Variants in ZNF254 observed in about 807,000 individuals in gnomAD.
ZNF254 encodes the protein CTD-2017D11.1.
Under a neutral mutation model 12.4 loss-of-function variants are expected in ZNF254, and 10 were observed. That is an observed-to-expected ratio of 0.80 (90% confidence interval 0.50 to 1.36). The LOEUF (loss-of-function observed/expected upper bound fraction) is 1.36. Among genes scored for constraint, ZNF254 ranks in the 40% most tolerant of loss-of-function variants. The probability of loss-of-function intolerance (pLI) is 0.00; values close to 1 mark genes in which losing one functional copy is unlikely to be tolerated. For synonymous variants in ZNF254, 305 were observed against 253.4 expected, an observed-to-expected ratio of 1.20 and a Z score of -1.93; for missense variants, 996 against 763.9, an observed-to-expected ratio of 1.30 and a Z score of -3.58.
At chr19:24,076,405 C>T (rs1475693793) in intron 2 of ZNF254, among the ~76,000 whole-genome samples, 6 of 152,192 alleles carry the variant, frequency 3.9e-5, no homozygotes, top group African/African-American at 1.4e-4. Context: ...GCATCCATGA[C>T]CTAAATATGT....
At chr19:24,086,351 G>T (rs1451192207), upstream of ZNF254, among the ~76,000 whole-genome samples, 1 of 152,010 alleles carries the variant, frequency 6.6e-6, no homozygotes, top group African/African-American at 2.4e-5. Flanking sequence ...TGTCGCCCAG[G>T]CTAGGGTGCA....
At chr19:24,061,394 G>A (rs1353016327) in intron 2 of ZNF254, among the ~76,000 whole-genome samples, 1 of 152,182 alleles carries the variant, frequency 6.6e-6, no homozygotes, top group Non-Finnish European at 1.5e-5. Context: ...GTCCACAGGG[G>A]TTCTTGTGAC....
intron 3 of ZNF254, among the ~76,000 whole-genome samples, chr19:24,111,907 G>A (rs1432270354): frequency 1.3e-5 from 2 of 152,198 alleles, no homozygotes; most frequent in Non-Finnish European, 2.9e-5. Context: ...GTTGCCTGTT[G>A]ACTCTGATGG....
intron 2 of ZNF254, among the ~76,000 whole-genome samples, chr19:24,051,452 A>ACC (rs1235288280): frequency 6.6e-6 from 1 of 152,184 alleles, no homozygotes; most frequent in Non-Finnish European, 1.5e-5. Context: ...GGGCCACCAC[A>ACC]CCTGGCCAAT....
chr19:24,098,988 CTTTTTTTTTTTTTTTTTTT>C (rs927108646), intron 1 of ZNF254: 1 of 74,768 alleles, frequency 1.3e-5, no homozygotes, highest in South Asian at 5.0e-4. Flanking sequence ...AGGCTTCGCT[CTTTTTTTTTTTTTTTTTTT>C]TTTTTTTTTG....
At chr19:24,058,046 A>T (rs532520423) in intron 2 of ZNF254, among the ~76,000 whole-genome samples, 2 of 152,176 alleles carry the variant, frequency 1.3e-5, no homozygotes, top group African/African-American at 4.8e-5. Context: ...TGATGTAACT[A>T]TTCTCCTGCC....
intron 3 of ZNF254, among the ~76,000 whole-genome samples, chr19:24,109,707 T>A (rs1973548908): frequency 6.9e-6 from 1 of 144,852 alleles, no homozygotes; most frequent in Admixed American, 6.9e-5. Context: ...TTTTTTCTTT[T>A]TTCTTTTCTT....
rs999450060 is a variant in ZNF254 at position 24,128,451 on chromosome 19, C to T, written c.*471C>T. On this transcript the variant is annotated 3_prime_UTR_variant, in exon 4 of 4. Coordinates refer to ENST00000357002, the MANE Select transcript of ZNF254 (RefSeq NM_203282.4). Reference sequence around the variant, plus strand: ...AGAAGAGCATTTATTTTGAAAAAAACATTACACATATGAAGAGGATTGTAA... The same window carrying T: ...AGAAGAGCATTTATTTTGAAAAAAATATTACACATATGAAGAGGATTGTAA... 1 of 152,780 alleles carries T rather than the reference C, an allele frequency of 6.5e-6. No homozygotes were observed. The highest frequency in any genetic ancestry group is 2.4e-5 in the African/African-American group (1 of 41,404). 9.5% of individuals were successfully genotyped at this position (152,780 alleles called of 1,614,324 possible).
intron 3 of ZNF254, among the ~76,000 whole-genome samples, chr19:24,108,481 T>C (rs1213651295): frequency 6.6e-6 from 1 of 152,206 alleles, no homozygotes; most frequent in Non-Finnish European, 1.5e-5. Context: ...CTTTCCTGGA[T>C]CTCAGAGTTC....
chr19:24,061,357 T>G (rs1340741131), intron 2 of ZNF254, among the ~76,000 whole-genome samples: 1 of 152,234 alleles, frequency 6.6e-6, no homozygotes, highest in Non-Finnish European at 1.5e-5. Context: ...TATTGTGACA[T>G]TTCACTGGGC....
At position 24,127,961 on chromosome 19, in the gene ZNF254, G is replaced by T; in HGVS notation, c.1961G>T (p.Arg654Ile). The T allele has an allele frequency of 6.4e-7, 1 of 1,560,264 alleles. No individual in the cohort carries two copies. Among genetic ancestry groups the T allele is most frequent in the Non-Finnish European group, 8.6e-7 (1 of 1,158,948 alleles). The change falls in exon 4 of 4, where the codon AGA (arginine) becomes ATA (isoleucine). Residue 654 changes from arginine to isoleucine, a missense_variant. Physicochemically the swap from Arg to Ile is moderately conservative, Grantham distance 97 (BLOSUM62 -3). Coordinates refer to ENST00000357002, the MANE Select transcript of ZNF254 (RefSeq NM_203282.4). ...ACCACAGATAAGATAACTCATTGGA[G>T]AGAAATCTTACAAGTATGAATAATG... ...HLTTDKITHWREILQV is the reference protein window; with the variant it reads ...HLTTDKITHWIEILQV
intron 1 of ZNF254, among the ~76,000 whole-genome samples, chr19:24,036,618 C>T (rs541939225): frequency 9.9e-5 from 15 of 152,222 alleles, no homozygotes; most frequent in Admixed American, 8.5e-4. Context: ...CAGCAAACTC[C>T]ACACATTTGT....
At chr19:24,069,795 A>G (rs1292214486) in intron 2 of ZNF254, among the ~76,000 whole-genome samples, 1 of 151,598 alleles carries the variant, frequency 6.6e-6, no homozygotes, top group Non-Finnish European at 1.5e-5. Flanking sequence ...TACTAAAAAT[A>G]CAAAAAATTA....
Position 24,126,863 on chromosome 19 carries a change from A to G in ZNF254, c.863A>G (p.His288Arg). 2.5e-6 allele frequency: 4 copies of G among 1,613,590 alleles called. No individual in the cohort carries two copies. The highest frequency in any genetic ancestry group is 1.1e-5 in the South Asian group (1 of 91,050). The change falls in exon 4 of 4, where the codon CAT becomes CGT. Residue 288 changes from histidine (H) to arginine (R), a missense_variant. By Grantham distance (29) the His-to-Arg change is conservative. Transcript: ENST00000357002. The stretch of plus-strand genomic sequence containing the variant: ...AATCTTACTACACATAAGATAATTC[A>G]TACTGGAGAGAAACCTTACAAGTGT... ...SSNLTTHKII[H>R]TGEKPYKCEE...
At chr19:24,033,523 GC>G (rs570159458) in exon 1 of ZNF254, 97 of 227,602 alleles carry the variant, frequency 4.3e-4, no homozygotes, top group Non-Finnish European at 7.4e-4. Flanking sequence ...CACCTCGGGA[GC>G]CCCTGGGGAC....
intron 2 of ZNF254, among the ~76,000 whole-genome samples, chr19:24,049,199 TATATATATATA>T (rs1970533477): frequency 2.1e-4 from 14 of 67,278 alleles, no homozygotes; most frequent in South Asian, 5.2e-4. Context: ...TATATATATA[TATATATATATA>T]TATATTTTTT....
intron 3 of ZNF254, among the ~76,000 whole-genome samples, chr19:24,125,940 C>A (rs561283148): frequency 6.6e-6 from 1 of 152,320 alleles, no homozygotes; most frequent in East Asian, 1.9e-4. Flanking sequence ...TGTAAAGACA[C>A]TATGGTATAG....
intron 2 of ZNF254, among the ~76,000 whole-genome samples, chr19:24,081,930 C>A (rs1971857944): frequency 1.3e-5 from 2 of 152,078 alleles, no homozygotes; most frequent in African/African-American, 4.8e-5. Flanking sequence ...CGAGACCAGC[C>A]TGGCTAACAT....
intron 3 of ZNF254, among the ~76,000 whole-genome samples, chr19:24,115,596 G>A (rs1974000044): frequency 6.6e-6 from 1 of 151,854 alleles, no homozygotes; most frequent in South Asian, 2.1e-4. Flanking sequence ...AATGGGTGCA[G>A]CACACCAGCA....
Sources: gnomAD v4.1 joint callset for allele counts (sites outside exome capture counted in the v4.1 genomes callset) on GRCh38, gnomAD v4.1.1 for gene constraint, MANE v1.5 for transcripts, NCBI Gene and HGNC (gene_info 2026-07-23, HGNC 2026-07-21) for gene names.